The following CDH17 variants were observed in gnomAD, a reference collection of about 807,000 sequenced individuals.
CDH17 encodes cadherin 17, also known as cadherin-17.
Under a neutral mutation model 86.3 loss-of-function variants are expected in CDH17, and 67 were observed. That is an observed-to-expected ratio of 0.78 (90% CI 0.64 to 0.95). CDH17 has a LOEUF of 0.95. Ranked by LOEUF, CDH17 falls within the 40% of genes least tolerant of loss-of-function variation. The probability of loss-of-function intolerance (pLI) is 0.00; values close to 1 mark genes in which losing one functional copy is unlikely to be tolerated. For synonymous variants in CDH17, 367 were observed against 366.4 expected (o/e 1.00, Z -0.02); for missense variants, 993 against 1,017.6 (o/e 0.98, Z 0.33).
intron 12 of CDH17, among the ~76,000 whole-genome samples, chr8:94,159,382 A>G (rs1813005114): frequency 6.6e-6 from 1 of 152,160 alleles, no homozygotes; most frequent in African/African-American, 2.4e-5. Context: ...TTAAAAAGAC[A>G]CTTGTCTATT....
chr8:94,211,763 A>G (rs1814125353), upstream of CDH17, among the ~76,000 whole-genome samples: 1 of 152,250 alleles, frequency 6.6e-6, no homozygotes, highest in Admixed American at 6.5e-5. Flanking sequence ...CTCACCTAAC[A>G]GAAGTGTAAA....
rs1563589457 is a variant in CDH17 at position 94,199,066 on chromosome 8, TA to T, written c.-20-4362del. Among the ~76,000 whole-genome samples, 31 of 23,082 alleles carry T rather than the reference TA, an allele frequency of 1.3e-3. 2 individuals are homozygous for T. The highest frequency in any genetic ancestry group is 1.9e-3 in the African/African-American group (14 of 7,464). The allele number at this position is 23,082 out of a possible 152,430, so 15.1% of individuals were successfully genotyped here. Reference sequence around the variant, plus strand: ...ATATATATATATATATATATATATATATATATATATATATATATTTTTTTTT... The same window carrying T: ...ATATATATATATATATATATATATATTATATATATATATATATTTTTTTTT... On this transcript the variant is annotated intron_variant, in intron 1 of 17. Coordinates refer to ENST00000027335, the MANE Select transcript of CDH17 (RefSeq NM_004063.4).
chr8:94,147,438 CTCTT>C (rs1391720996), intron 14 of CDH17, among the ~76,000 whole-genome samples: 1 of 152,172 alleles, frequency 6.6e-6, no homozygotes, highest in African/African-American at 2.4e-5. Context: ...ATTCCTGTCT[CTCTT>C]CTCCAATTCA....
intron 3 of CDH17, among the ~76,000 whole-genome samples, chr8:94,181,557 T>C (rs1813488161): frequency 6.6e-6 from 1 of 151,316 alleles, no homozygotes; most frequent in Non-Finnish European, 1.5e-5. Context: ...AAAGAAGAAA[T>C]CAAGGGAAAT....
chr8:94,184,040 T>TAAAA (rs567593599), intron 3 of CDH17, among the ~76,000 whole-genome samples: 129 of 138,680 alleles, frequency 9.3e-4, no homozygotes, highest in Middle Eastern at 7.3e-3. Flanking sequence ...TAGCTATAAT[T>TAAAA]AAAAAAAAAA....
rs150832761 is a variant in CDH17, at chr8:94,184,573, G to A, written c.150+4614C>T. Reference sequence around the variant, plus strand: ...ATTAGTGGTTGCCCAAGGCTGAGGGGAGTGGAGGCTGGAGAGTGACTATTA... The same window carrying A: ...ATTAGTGGTTGCCCAAGGCTGAGGGAAGTGGAGGCTGGAGAGTGACTATTA... On this transcript the variant is annotated intron_variant, in intron 3 of 17. Transcript: ENST00000027335. Among the ~76,000 whole-genome samples, 732 of 152,230 alleles carry A rather than the reference G, an allele frequency of 4.8e-3. 6 individuals are homozygous for A. Among genetic ancestry groups the A allele is most frequent in the South Asian group, 0.035 (169 of 4,810 alleles).
chr8:94,157,248 T>C (rs1382168383), intron 12 of CDH17, among the ~76,000 whole-genome samples: 1 of 152,234 alleles, frequency 6.6e-6, no homozygotes, highest in African/African-American at 2.4e-5. Context: ...ATTAACACAG[T>C]GGTTCAGAAC....
intron 1 of CDH17, among the ~76,000 whole-genome samples, chr8:94,201,355 A>G (rs1472460158): frequency 6.6e-6 from 1 of 152,192 alleles, no homozygotes; most frequent in Non-Finnish European, 1.5e-5. Flanking sequence ...ACTTCCAAGC[A>G]CCTCAGAATG....
chr8:94,188,824 G>A (rs1032455562), intron 3 of CDH17, among the ~76,000 whole-genome samples: 6 of 152,186 alleles, frequency 3.9e-5, no homozygotes, highest in Non-Finnish European at 8.8e-5. Flanking sequence ...GTATCTTCCA[G>A]TACTTGAAGC....
intron 3 of CDH17, 52 bp from the exon 4 acceptor site, chr8:94,177,773 T>C (rs1813404264): frequency 3.2e-6 from 5 of 1,577,368 alleles, no homozygotes; most frequent in Non-Finnish European, 4.3e-6. Context: ...AACAATGTTG[T>C]GGAATTTGTA....
At chr8:94,130,072 G>A (rs1391518560) in intron 17 of CDH17, among the ~76,000 whole-genome samples, 1 of 152,218 alleles carries the variant, frequency 6.6e-6, no homozygotes, top group Admixed American at 6.5e-5. Flanking sequence ...TCAGGGGACT[G>A]TACTGTCTAG....
At chr8:94,128,710 T>C (rs530264312) in intron 17 of CDH17, among the ~76,000 whole-genome samples, 1 of 152,342 alleles carries the variant, frequency 6.6e-6, no homozygotes, top group East Asian at 1.9e-4. Flanking sequence ...TTAATATTGA[T>C]TCTATTCTTC....
At chr8:94,134,343 G>A (rs757681866) in intron 15 of CDH17, among the ~76,000 whole-genome samples, 4 of 152,130 alleles carry the variant, frequency 2.6e-5, no homozygotes, top group Non-Finnish European at 5.9e-5. Flanking sequence ...CCTGTTATTG[G>A]TCTATTCAGA....
chr8:94,190,836 C>T (rs1000454853), intron 2 of CDH17, among the ~76,000 whole-genome samples: 1 of 152,166 alleles, frequency 6.6e-6, no homozygotes. Flanking sequence ...AGAGAAAGGT[C>T]TTATGCTAGA....
At position 94,168,143 on chromosome 8, in the gene CDH17, T is replaced by TATATATATATATAC. The variant is rs1563576916; in HGVS notation, c.1067-2168_1067-2167insGTATATATATATAT. ...ATATATATATATATATATATATATATATATATATATATATTTGTGTGTGTG... is the reference window on the plus strand; with the variant it reads ...ATATATATATATATATATATATATATATATATATATATACATATATATATATATTTGTGTGTGTG... On this transcript the variant is annotated intron_variant, in intron 9 of 17. Coordinates refer to ENST00000027335, the MANE Select transcript of CDH17 (RefSeq NM_004063.4). 2.3e-4 allele frequency among the ~76,000 whole-genome samples: 23 copies of TATATATATATATAC among 101,570 alleles called. 2 individuals carry two copies. Among genetic ancestry groups the TATATATATATATAC allele is most frequent in the African/African-American group, 1.2e-3 (21 of 17,098 alleles). The allele number at this position is 101,570 out of a possible 152,430, so 66.6% of individuals were successfully genotyped here.
At chr8:94,166,165 C>T (rs1813151937) in intron 9 of CDH17, among the ~76,000 whole-genome samples, 189 bp from the exon 10 acceptor site, 1 of 152,166 alleles carries the variant, frequency 6.6e-6, no homozygotes, top group Admixed American at 6.5e-5. Context: ...ATTTGTCAGC[C>T]AGGGCTGTCA....
At chr8:94,206,823 G>A (rs937947706) in intron 1 of CDH17, among the ~76,000 whole-genome samples, 1 of 151,670 alleles carries the variant, frequency 6.6e-6, no homozygotes, top group African/African-American at 2.4e-5. Flanking sequence ...TAATTTTCTT[G>A]TACAGTCTGG....
intron 2 of CDH17, among the ~76,000 whole-genome samples, chr8:94,193,940 A>T (rs1237391651): frequency 1.9e-5 from 1 of 52,228 alleles, no homozygotes; most frequent in Non-Finnish European, 6.6e-5. Flanking sequence ...TTCCTTCTTT[A>T]AAAAAAAAAA....
At chr8:94,152,264 T>A (rs1348562153) in intron 12 of CDH17, 152 bp from the exon 13 acceptor site, 7 of 804,256 alleles carry the variant, frequency 8.7e-6, no homozygotes, top group Admixed American at 2.9e-5. Flanking sequence ...GACTATTTCA[T>A]ACCATATATG....
Sources: gnomAD v4.1 joint callset for allele counts (sites outside exome capture counted in the v4.1 genomes callset) on GRCh38, gnomAD v4.1.1 for gene constraint, MANE v1.5 for transcripts, NCBI Gene and HGNC (gene_info 2026-07-23, HGNC 2026-07-21) for gene names.